ERC1: variants seen among roughly 807,000 people sequenced by gnomAD.
ERC1 encodes RAB6 interacting protein 2.
In ERC1, 56 loss-of-function variants were observed where a neutral mutation model predicts 132.0. The ratio of observed to expected loss-of-function variants is 0.42; its 90% CI spans 0.34 to 0.53. The LOEUF (loss-of-function observed/expected upper bound fraction) is 0.53, where lower values mean the gene tolerates loss of function less well. ERC1 is among the 20% of genes least tolerant of loss of function. The pLI is 0.03. For missense variants in ERC1, 1,202 were observed against 1,349.9 expected (o/e 0.89, Z 1.72); for synonymous variants, 478 against 476.1 (o/e 1.00, Z -0.05).
At chr12:1,092,145 C>T (rs933799682) in intron 3 of ERC1, among the ~76,000 whole-genome samples, 2 of 151,964 alleles carry the variant, frequency 1.3e-5, no homozygotes, top group South Asian at 2.1e-4. Flanking sequence ...ATTACAGGCA[C>T]CCATCACCAG....
intron 15 of ERC1, among the ~76,000 whole-genome samples, chr12:1,357,180 A>G (rs1405460201): frequency 6.6e-6 from 1 of 152,212 alleles, no homozygotes; most frequent in African/African-American, 2.4e-5. Context: ...TGTTCTATGT[A>G]ACGCTGGCTA....
chr12:1,488,750 G>A (rs1177156313), intron 18 of ERC1, among the ~76,000 whole-genome samples: 2 of 151,880 alleles, frequency 1.3e-5, no homozygotes, highest in African/African-American at 4.8e-5. Context: ...TTCGTTCTTG[G>A]TCTTATTTGT....
At chr12:1,074,947 A>G (rs1353942629) in intron 2 of ERC1, among the ~76,000 whole-genome samples, 2 of 151,790 alleles carry the variant, frequency 1.3e-5, no homozygotes, top group African/African-American at 4.8e-5. Context: ...TCTTTTTTGC[A>G]TTTTGGTGAG....
intron 2 of ERC1, among the ~76,000 whole-genome samples, chr12:1,040,310 TTTTTTTC>T (rs1250568464): frequency 9.9e-5 from 15 of 151,604 alleles, no homozygotes; most frequent in South Asian, 4.2e-4. Context: ...TTTCTTTTTC[TTTTTTTC>T]TTTTTTCTTT....
intron 14 of ERC1, among the ~76,000 whole-genome samples, chr12:1,273,464 A>G (rs927039757): frequency 1.3e-5 from 2 of 152,180 alleles, no homozygotes; most frequent in Non-Finnish European, 2.9e-5. Flanking sequence ...ATTTTTCTTC[A>G]CAAGTGCTTA....
At chr12:1,139,637 G>A (rs1288866778) in intron 7 of ERC1, among the ~76,000 whole-genome samples, 1 of 151,944 alleles carries the variant, frequency 6.6e-6, no homozygotes, top group Non-Finnish European at 1.5e-5. Context: ...AAATATACAT[G>A]AACACATGCA....
intron 12 of ERC1, 40 bp downstream of exon 12, chr12:1,190,092 T>G: frequency 1.3e-6 from 2 of 1,538,862 alleles, no homozygotes; most frequent in Non-Finnish European, 1.8e-6. Flanking sequence ...GAGGTTAAAG[T>G]ATGGTTTTAA....
intron 2 of ERC1, among the ~76,000 whole-genome samples, chr12:1,033,659 T>A (rs1422578283): frequency 1.3e-5 from 2 of 151,158 alleles, no homozygotes; most frequent in Non-Finnish European, 3.0e-5. Context: ...TGAGACGGAG[T>A]CTTGCTCTGT....
intron 16 of ERC1, among the ~76,000 whole-genome samples, chr12:1,389,458 T>G (rs1421823440): frequency 6.6e-6 from 1 of 152,228 alleles, no homozygotes; most frequent in Non-Finnish European, 1.5e-5. Flanking sequence ...TTTTCATCCT[T>G]ACAGATTATA....
rs561105958 is a variant in ERC1, at chr12:1,259,803, G to A, written c.2488-3231G>A. On this transcript the variant is annotated intron_variant, in intron 13 of 18. Transcript: ENST00000360905. The stretch of plus-strand genomic sequence containing the variant: ...CTCCCAAAGTGCTGGGATTGCAGGC[G>A]TGAGCCACCACGCCCTGCTTTCTTG... Among the ~76,000 whole-genome samples the A allele has an allele frequency of 6.4e-4, 97 of 152,266 alleles. 1 individual carries two copies. The highest frequency in any genetic ancestry group is 2.2e-3 in the African/African-American group (92 of 41,552).
chr12:1,204,380 C>G, intron 12 of ERC1: 4 of 746,716 alleles, frequency 5.4e-6, no homozygotes, highest in Non-Finnish European at 8.7e-6. Flanking sequence ...TTTGTGACTC[C>G]TTCCCTTCTC....
intron 16 of ERC1, among the ~76,000 whole-genome samples, chr12:1,407,221 C>T (rs138518134): frequency 6.6e-6 from 1 of 152,120 alleles, no homozygotes; most frequent in African/African-American, 2.4e-5. Flanking sequence ...GATTTCAGAA[C>T]TTTTAACTTA....
At position 1,313,693 on chromosome 12, in the gene ERC1, T is replaced by A. The variant is rs544473653; in HGVS notation, c.2780+23681T>A. 6.7e-5 allele frequency among the ~76,000 whole-genome samples: 9 copies of A among 134,054 alleles called. No individual in the cohort carries two copies. The East Asian group carries it at 7.9e-4, about 12-fold the overall frequency. 87.9% of individuals were successfully genotyped at this position (134,054 alleles called of 152,430 possible). On this transcript the variant is annotated intron_variant, in intron 15 of 18. Transcript: ENST00000360905. ...TCTGGAAGTATTAAATATTCTAAAATTTTTTTTTTTGCCCGGGTACGGTGG... is the reference window on the plus strand; with the variant it reads ...TCTGGAAGTATTAAATATTCTAAAAATTTTTTTTTTGCCCGGGTACGGTGG...
At chr12:1,307,291 T>A (rs2080954342) in intron 15 of ERC1, among the ~76,000 whole-genome samples, 1 of 152,236 alleles carries the variant, frequency 6.6e-6, no homozygotes, top group East Asian at 1.9e-4. Context: ...TGACTTGGCA[T>A]GAATTTTCTT....
At chr12:1,054,025 C>T (rs917685927) in intron 2 of ERC1, among the ~76,000 whole-genome samples, 3 of 151,964 alleles carry the variant, frequency 2.0e-5, no homozygotes, top group Admixed American at 6.6e-5. Flanking sequence ...TCAAAAAAAG[C>T]ATGCTACCTA....
At chr12:1,141,474 A>G (rs1949857994) in intron 7 of ERC1, 146 bp from the exon 8 acceptor site, 1 of 522,126 alleles carries the variant, frequency 1.9e-6, no homozygotes, top group African/African-American at 2.0e-5. Context: ...CTGGACTCTG[A>G]ATCCAGAGAA....
intron 1 of ERC1, among the ~76,000 whole-genome samples, chr12:994,928 C>G (rs112323620): frequency 1.1e-3 from 175 of 152,218 alleles, no homozygotes; most frequent in African/African-American, 3.8e-3. Flanking sequence ...AACCCCGTCT[C>G]TACTGAAAAT....
chr12:1,124,862 A>C (rs1947978076), intron 7 of ERC1, among the ~76,000 whole-genome samples: 1 of 152,198 alleles, frequency 6.6e-6, no homozygotes, highest in South Asian at 2.1e-4. Flanking sequence ...AAAATGACAG[A>C]AGAAGTTCAA....
At chr12:1,095,510 T>G (rs4459369) in intron 3 of ERC1, among the ~76,000 whole-genome samples, 34,043 of 152,048 alleles carry the variant, frequency 0.22, 4,132 homozygotes, top group Middle Eastern at 0.27. Flanking sequence ...GTCTACCACA[T>G]TTGAAAGTAT....
Sources: gnomAD v4.1 joint callset for allele counts (sites outside exome capture counted in the v4.1 genomes callset) on GRCh38, gnomAD v4.1.1 for gene constraint, MANE v1.5 for transcripts, NCBI Gene and HGNC (gene_info 2026-07-23, HGNC 2026-07-21) for gene names.